HTR1F: variants seen among roughly 807,000 people sequenced by gnomAD.
HTR1F encodes 5-hydroxytryptamine receptor 1F, also known as 5-hydroxytryptamine (serotonin) receptor 1F, G protein-coupled.
A neutral mutation model predicts 24.0 loss-of-function variants in HTR1F; 17 were observed. The ratio of observed to expected loss-of-function variants is 0.71; its 90% confidence interval spans 0.48 to 1.06. The LOEUF (loss-of-function observed/expected upper bound fraction) is 1.06, where lower values mean the gene tolerates loss of function less well. HTR1F is among the 50% of genes least tolerant of loss of function. HTR1F has a pLI of 0.00. For missense variants in HTR1F, 391 were observed against 427.8 expected, an observed-to-expected ratio of 0.91 and a Z score of 0.76; for synonymous variants, 186 against 156.8, an observed-to-expected ratio of 1.19 and a Z score of -1.39.
chr3:87,922,719 T>G (rs999454893), intron 2 of HTR1F, among the ~76,000 whole-genome samples: 1 of 151,906 alleles, frequency 6.6e-6, no homozygotes, highest in Non-Finnish European at 1.5e-5. Context: ...AGATGGGGTG[T>G]AGTTTCATTC....
At chr3:87,841,912 A>G (rs964932327) in intron 2 of HTR1F, among the ~76,000 whole-genome samples, 3 of 116,570 alleles carry the variant, frequency 2.6e-5, no homozygotes, top group East Asian at 2.4e-4. Flanking sequence ...AAAAAAAAAA[A>G]AAAAGAAAAA....
intron 2 of HTR1F, among the ~76,000 whole-genome samples, chr3:87,889,799 T>A (rs1291382263): frequency 6.6e-6 from 1 of 152,262 alleles, no homozygotes; most frequent in African/African-American, 2.4e-5. Context: ...AGTGAAATTC[T>A]GATATGAATT....
intron 2 of HTR1F, among the ~76,000 whole-genome samples, chr3:87,823,750 A>C (rs1704406639): frequency 6.6e-6 from 1 of 151,870 alleles, no homozygotes; most frequent in Non-Finnish European, 1.5e-5. Context: ...AAGTGCTGGG[A>C]TTACAGGCTT....
chr3:87,987,474 C>T lies in HTR1F; in HGVS notation c.-42-3234C>T, dbSNP rs183816034. ...CCATTACATCATAGGTCCTGTGATC[C>T]AATACTGATTTTAGGAAATATGGTC... On this transcript the variant is annotated intron_variant, in intron 2 of 2. Transcript: ENST00000319595. 3.6e-3 allele frequency among the ~76,000 whole-genome samples: 545 copies of T among 151,264 alleles called. 4 individuals carry two copies. The highest frequency in any genetic ancestry group is 6.0e-3 in the Non-Finnish European group (404 of 67,876).
chr3:87,828,905 C>A (rs1295942930), intron 2 of HTR1F, among the ~76,000 whole-genome samples: 1 of 152,200 alleles, frequency 6.6e-6, no homozygotes, highest in African/African-American at 2.4e-5. Flanking sequence ...TTCCCAATAA[C>A]AAAACAAAGA....
intron 2 of HTR1F, among the ~76,000 whole-genome samples, chr3:87,837,785 C>T (rs1287193714): frequency 6.6e-6 from 1 of 151,860 alleles, no homozygotes; most frequent in Non-Finnish European, 1.5e-5. Context: ...GGTACTTAGC[C>T]CATTTTCTGG....
intron 2 of HTR1F, among the ~76,000 whole-genome samples, chr3:87,978,210 C>T (rs1705441500): frequency 6.6e-6 from 1 of 152,164 alleles, no homozygotes; most frequent in Non-Finnish European, 1.5e-5. Context: ...AGGTTGAAGA[C>T]TCCAGAAATC....
intron 2 of HTR1F, among the ~76,000 whole-genome samples, chr3:87,966,975 T>C (rs1308737691): frequency 6.6e-6 from 1 of 152,170 alleles, no homozygotes; most frequent in African/African-American, 2.4e-5. Context: ...TTAATGCAAA[T>C]AAATTAAACC....
In HTR1F at chr3:87,912,909, C is replaced by A. The variant is rs1253106177; in HGVS notation, c.-42-77799C>A. On this transcript the variant is annotated intron_variant, in intron 2 of 2. Coordinates refer to ENST00000319595, the MANE Select transcript of HTR1F (RefSeq NM_001322209.2). ...ATATGCAGAAAATTGAAATTGGACC[C>A]CTTCCTTATGCCACATACAAAAATC... is the stretch of plus-strand genomic sequence containing the variant. Among the ~76,000 whole-genome samples, 4 of 152,156 alleles carry A rather than the reference C, an allele frequency of 2.6e-5. No homozygotes were observed. In the East Asian group the frequency reaches 7.7e-4, roughly 29 times the overall value.
chr3:87,849,083 T>C (rs1705016456), intron 2 of HTR1F, among the ~76,000 whole-genome samples: 1 of 151,462 alleles, frequency 6.6e-6, no homozygotes. Flanking sequence ...CCAATGACTT[T>C]CTTCACAGAA....
At chr3:87,880,475 T>G (rs145334744) in intron 2 of HTR1F, among the ~76,000 whole-genome samples, 84 of 152,300 alleles carry the variant, frequency 5.5e-4, no homozygotes, top group African/African-American at 2.0e-3. Flanking sequence ...TAGTGAGTAT[T>G]AGAAACCTGG....
intron 2 of HTR1F, among the ~76,000 whole-genome samples, chr3:87,968,105 G>A (rs1428236063): frequency 3.3e-5 from 5 of 152,210 alleles, no homozygotes; most frequent in Admixed American, 6.5e-5. Flanking sequence ...TGGAATACAG[G>A]TGACTCTTGC....
intron 2 of HTR1F, among the ~76,000 whole-genome samples, chr3:87,937,024 A>G (rs1209404728): frequency 6.6e-6 from 1 of 150,498 alleles, no homozygotes; most frequent in Non-Finnish European, 1.5e-5. Context: ...GGATAGATCC[A>G]TAGCCAAATT....
At chr3:87,965,476 T>C (rs1705144858) in intron 2 of HTR1F, among the ~76,000 whole-genome samples, 1 of 151,942 alleles carries the variant, frequency 6.6e-6, no homozygotes. Context: ...AGGATGAAAA[T>C]TGTGAGATTA....
At chr3:87,898,563 G>A (rs1277882947) in intron 2 of HTR1F, among the ~76,000 whole-genome samples, 3 of 151,992 alleles carry the variant, frequency 2.0e-5, no homozygotes, top group Admixed American at 1.3e-4. Context: ...CTCTAACATT[G>A]TAGTTTAATT....
At chr3:87,895,455 C>T (rs559588681) in intron 2 of HTR1F, among the ~76,000 whole-genome samples, 2 of 151,892 alleles carry the variant, frequency 1.3e-5, no homozygotes, top group Non-Finnish European at 2.9e-5. Context: ...AATATATACA[C>T]ACAAATAATA....
At chr3:87,796,789 T>C (rs1703913294) in intron 1 of HTR1F, among the ~76,000 whole-genome samples, 1 of 152,222 alleles carries the variant, frequency 6.6e-6, no homozygotes, top group Non-Finnish European at 1.5e-5. Flanking sequence ...GGTGACAAGA[T>C]TGATCTTTAA....
intron 2 of HTR1F, among the ~76,000 whole-genome samples, chr3:87,869,744 A>T (rs1373061137): frequency 6.6e-6 from 1 of 152,044 alleles, no homozygotes; most frequent in Non-Finnish European, 1.5e-5. Context: ...AACTGATTAG[A>T]TGAGGCCTAC....
At chr3:87,988,574 TTTG>T (rs1162875936) in intron 2 of HTR1F, among the ~76,000 whole-genome samples, 1 of 152,038 alleles carries the variant, frequency 6.6e-6, no homozygotes, top group African/African-American at 2.4e-5. Flanking sequence ...TTTGTTTTGG[TTTG>T]TTGTTGTTCT....
Sources: gnomAD v4.1 joint callset for allele counts (sites outside exome capture counted in the v4.1 genomes callset) on GRCh38, gnomAD v4.1.1 for gene constraint, MANE v1.5 for transcripts, NCBI Gene and HGNC (gene_info 2026-07-23, HGNC 2026-07-21) for gene names.